NOVA1: variants seen among roughly 807,000 people sequenced by gnomAD.
NOVA1 encodes the protein RNA-binding protein Nova-1.
A neutral mutation model predicts 38.0 loss-of-function variants in NOVA1; 7 were observed. The observed-to-expected ratio is 0.18, with a 90% confidence interval of 0.10 to 0.35. The LOEUF is 0.35. Among genes scored for constraint, NOVA1 ranks in the 10% least tolerant of loss-of-function variants. The pLI is 1.00. For missense variants in NOVA1, 460 were observed against 616.0 expected (o/e 0.75, Z 2.68); for synonymous variants, 270 against 232.5 (o/e 1.16, Z -1.47).
At chr14:26,551,270 A>G (rs969991452) in intron 2 of NOVA1, among the ~76,000 whole-genome samples, 1 of 152,058 alleles carries the variant, frequency 6.6e-6, no homozygotes, top group Non-Finnish European at 1.5e-5. Context: ...TGTAAAATGA[A>G]TAATAGTAAC....
At chr14:26,578,479 G>GATGGA (rs1398079545) in intron 2 of NOVA1, among the ~76,000 whole-genome samples, 2 of 152,084 alleles carry the variant, frequency 1.3e-5, no homozygotes, top group Non-Finnish European at 2.9e-5. Flanking sequence ...AAGTAGGTAA[G>GATGGA]ATGGAATGGA....
chr14:26,563,521 A>G (rs1321945330), intron 2 of NOVA1, among the ~76,000 whole-genome samples: 3 of 152,010 alleles, frequency 2.0e-5, no homozygotes, highest in African/African-American at 7.2e-5. Flanking sequence ...ACAAATCCAG[A>G]TCAACATAGC....
chr14:26,447,908 G>T lies in NOVA1; in HGVS notation c.*51C>A. 2 of 1,460,938 alleles carry T rather than the reference G, an allele frequency of 1.4e-6. No homozygotes were observed. Among genetic ancestry groups the T allele is most frequent in the Non-Finnish European group, 1.9e-6 (2 of 1,047,330 alleles). 90.5% of individuals were successfully genotyped at this position (1,460,938 alleles called of 1,614,324 possible). On this transcript the variant is annotated 3_prime_UTR_variant, in exon 5 of 5. Transcript: ENST00000539517. ...CTGCAAAGTACAGTACATCCTTCTT[G>T]AAAATGGGGTAAAGGAGGGGTTAAA...
At chr14:26,524,786 T>G (rs1405592383) in intron 2 of NOVA1, among the ~76,000 whole-genome samples, 1 of 152,174 alleles carries the variant, frequency 6.6e-6, no homozygotes, top group Non-Finnish European at 1.5e-5. Flanking sequence ...AGGGCATAAC[T>G]CAAGTAATCA....
chr14:26,563,126 A>G (rs1891925575), intron 2 of NOVA1, among the ~76,000 whole-genome samples: 1 of 152,102 alleles, frequency 6.6e-6, no homozygotes, highest in East Asian at 1.9e-4. Context: ...ATGTAGCACC[A>G]CATTAAGCCA....
chr14:26,597,680 TGGAGGGGGTGTGAGAGAC>T lies in NOVA1; in HGVS notation c.-262_-245del. 8.7e-7 allele frequency: 1 copy of T among 1,150,194 alleles called. No homozygotes were observed. 71.2% of individuals were successfully genotyped at this position (1,150,194 alleles called of 1,614,324 possible). On this transcript the variant is annotated 5_prime_UTR_variant, in exon 1 of 5. Coordinates refer to ENST00000539517, the MANE Select transcript of NOVA1 (RefSeq NM_002515.3). ...CAGTGTCAGAAAGGAGACAGGGGAA[TGGAGGGGGTGTGAGAGAC>T]GGAGGGTGAAAGAAGAAGAAGAAAG...
chr14:26,476,371 A>G (rs2138274367), intron 3 of NOVA1, among the ~76,000 whole-genome samples: 1 of 152,290 alleles, frequency 6.6e-6, no homozygotes, highest in Admixed American at 6.5e-5. Context: ...CTCTTTAGGA[A>G]AATGTTTGGC....
chr14:26,448,226 T>C lies in NOVA1; in HGVS notation c.1257A>G (p.Gly419=), dbSNP rs145857010. The C allele has an allele frequency of 2.2e-5, 35 of 1,614,124 alleles. No individual in the cohort carries two copies. The highest frequency in any genetic ancestry group is 2.5e-5 in the Non-Finnish European group (29 of 1,180,048). The change falls in exon 5 of 5, where the codon GGA becomes GGG. Residue 419 remains glycine, a synonymous_variant. Coordinates refer to ENST00000539517, the MANE Select transcript of NOVA1 (RefSeq NM_002515.3). The surrounding 1 kb of genome is among the most constrained non-coding windows in gnomAD (Gnocchi z 5.3). The part of the protein sequence containing the change: ...AILGTEKSTD[G]SKDVVEIAVP... ...CTGCTATTTCAACTACATCCTTGGA[T>C]CCATCTGTGGACTTTTCTGTTCCTA...
In NOVA1 at chr14:26,563,531, C is replaced by T. The variant is rs144273943; in HGVS notation, c.280+31879G>A. 2.5e-3 allele frequency among the ~76,000 whole-genome samples: 381 copies of T among 151,528 alleles called. 1 individual carries two copies. Among genetic ancestry groups the T allele is most frequent in the African/African-American group, 8.7e-3 (360 of 41,316 alleles). On this transcript the variant is annotated intron_variant, in intron 2 of 4. Transcript: ENST00000539517. ...AGAAGACAAATCCAGATCAACATAG[C>T]CCTATGATCAGTGATACAGAATAGT...
At chr14:26,460,045 T>C (rs1883522308) in intron 4 of NOVA1, among the ~76,000 whole-genome samples, 1 of 152,038 alleles carries the variant, frequency 6.6e-6, no homozygotes, top group Admixed American at 6.6e-5. Context: ...TATTTTAATT[T>C]CACCAACAGT....
At chr14:26,554,417 T>G (rs1891359614) in intron 2 of NOVA1, among the ~76,000 whole-genome samples, 1 of 152,130 alleles carries the variant, frequency 6.6e-6, no homozygotes, top group African/African-American at 2.4e-5. Context: ...ATGACTAGAC[T>G]TCAACCTCTT....
At chr14:26,505,515 A>G (rs1190034588) in intron 2 of NOVA1, among the ~76,000 whole-genome samples, 2 of 152,082 alleles carry the variant, frequency 1.3e-5, no homozygotes, top group Non-Finnish European at 2.9e-5. Flanking sequence ...CTGTGAGTCA[A>G]TTAAACCGAT....
At chr14:26,481,155 C>T (rs1885422807) in intron 2 of NOVA1, among the ~76,000 whole-genome samples, 1 of 151,954 alleles carries the variant, frequency 6.6e-6, no homozygotes, top group Non-Finnish European at 1.5e-5. Flanking sequence ...GAACTTGCTT[C>T]TAAGAAATAA....
At position 26,479,967 on chromosome 14, in the gene NOVA1, A is replaced by G. The variant is rs1205948182; in HGVS notation, c.447+10T>C. 1 of 1,612,826 alleles carries G rather than the reference A, an allele frequency of 6.2e-7. No individual in the cohort carries two copies. The highest frequency in any genetic ancestry group is 8.5e-7 in the Non-Finnish European group (1 of 1,179,288). ...GATATTTCTCTTTGATTTCTCAACT[A>G]AACACTCACTTGTTTGATGCGATCT... On this transcript the variant is annotated intron_variant, in intron 3 of 4. Coordinates refer to ENST00000539517, the MANE Select transcript of NOVA1 (RefSeq NM_002515.3).
intron 2 of NOVA1, among the ~76,000 whole-genome samples, chr14:26,496,404 G>C (rs1886788166): frequency 6.6e-6 from 1 of 152,146 alleles, no homozygotes; most frequent in Non-Finnish European, 1.5e-5. Flanking sequence ...CCCTTTGTCA[G>C]ATGCGTAGGT....
At chr14:26,538,285 T>C (rs1428712897) in intron 2 of NOVA1, among the ~76,000 whole-genome samples, 1 of 151,824 alleles carries the variant, frequency 6.6e-6, no homozygotes, top group Non-Finnish European at 1.5e-5. Flanking sequence ...CAAAGTAAAA[T>C]AGCAAGATAC....
At chr14:26,511,404 T>C (rs1039121756) in intron 2 of NOVA1, among the ~76,000 whole-genome samples, 3 of 152,186 alleles carry the variant, frequency 2.0e-5, no homozygotes, top group Non-Finnish European at 4.4e-5. Flanking sequence ...CTATTCTCAT[T>C]ATATCGTTAA....
intron 2 of NOVA1, among the ~76,000 whole-genome samples, chr14:26,581,673 T>C (rs891741261): frequency 3.3e-5 from 5 of 151,908 alleles, no homozygotes; most frequent in Admixed American, 3.3e-4. Flanking sequence ...TACATATGAA[T>C]TGGAAAAAAA....
At chr14:26,484,174 C>T (rs1189715351) in intron 2 of NOVA1, among the ~76,000 whole-genome samples, 1 of 151,926 alleles carries the variant, frequency 6.6e-6, no homozygotes. Flanking sequence ...GTGGCTCACA[C>T]CTGTAATCCC....
Sources: gnomAD v4.1 joint callset for allele counts (sites outside exome capture counted in the v4.1 genomes callset) on GRCh38, gnomAD v4.1.1 for gene constraint, Gnocchi (gnomAD v3.1) non-coding constraint, MANE v1.5 for transcripts, NCBI Gene and HGNC (gene_info 2026-07-23, HGNC 2026-07-21) for gene names.